Variants in WNT7B observed in about 807,000 individuals in gnomAD.
WNT7B encodes the protein protein Wnt-7b.
WNT7B carries 19 observed loss-of-function variants against 38.2 expected under a neutral mutation model. That is an observed-to-expected ratio of 0.50 (90% CI 0.35 to 0.73). WNT7B has a LOEUF of 0.73. Among genes scored for constraint, WNT7B ranks in the 30% least tolerant of loss-of-function variants. The pLI, the probability that WNT7B is intolerant of heterozygous loss-of-function variation, is 0.01. For missense variants in WNT7B, 423 were observed against 507.9 expected, an observed-to-expected ratio of 0.83 and a Z score of 1.61; for synonymous variants, 243 against 209.3, an observed-to-expected ratio of 1.16 and a Z score of -1.39.
chr22:45,970,489 T>C (rs1375825096), intron 1 of WNT7B, among the ~76,000 whole-genome samples: 3 of 152,002 alleles, frequency 2.0e-5, no homozygotes, highest in Admixed American at 6.5e-5. Flanking sequence ...CCCACCAGGC[T>C]TCTGGGGCCC....
intron 2 of WNT7B, among the ~76,000 whole-genome samples, chr22:45,938,964 G>A (rs1931577469): frequency 6.6e-6 from 1 of 152,182 alleles, no homozygotes; most frequent in Non-Finnish European, 1.5e-5. Context: ...ACAGACATTT[G>A]TCCAAAGAAG....
intron 1 of WNT7B, among the ~76,000 whole-genome samples, chr22:45,964,767 G>A (rs558886394): frequency 1.4e-4 from 21 of 152,232 alleles, no homozygotes; most frequent in East Asian, 1.9e-4. Flanking sequence ...GCTGGGTACC[G>A]ACTGAGTGAG....
intron 1 of WNT7B, chr22:45,972,116 G>GGGGGGC: frequency 1.3e-5 from 7 of 530,700 alleles, no homozygotes; most frequent in African/African-American, 2.1e-5. Flanking sequence ...CCCGGGGGGA[G>GGGGGGC]CCCACCCGCC....
chr22:45,974,588 G>A (rs1461906525), intron 1 of WNT7B, among the ~76,000 whole-genome samples: 1 of 152,170 alleles, frequency 6.6e-6, no homozygotes, highest in Non-Finnish European at 1.5e-5. Context: ...GGAGGTGGGT[G>A]GGGAGTGTGT....
At chr22:45,960,972 G>A (rs1160720291) in intron 1 of WNT7B, among the ~76,000 whole-genome samples, 1 of 152,188 alleles carries the variant, frequency 6.6e-6, no homozygotes, top group Non-Finnish European at 1.5e-5. Flanking sequence ...ATGTGGGCCA[G>A]GTCTGAGGTC....
intron 2 of WNT7B, among the ~76,000 whole-genome samples, chr22:45,937,584 C>T (rs1445836180): frequency 1.4e-5 from 2 of 148,076 alleles, no homozygotes; most frequent in East Asian, 1.9e-4. Context: ...AGCACGTGTC[C>T]CTGGCGTACA....
chr22:45,948,936 C>A (rs1931862814), intron 2 of WNT7B, among the ~76,000 whole-genome samples: 1 of 150,970 alleles, frequency 6.6e-6, no homozygotes. Flanking sequence ...CCTCTCTCCG[C>A]CTCCCGGATT....
In WNT7B at chr22:45,931,100, TC is replaced by T. The variant is rs774432953; in HGVS notation, c.567del (p.Lys190ArgfsTer3). Reference sequence around the variant, plus strand: ...CACCAGCCGCACCCGCACCCTACCTTCCTGCCGGCCTCATTGTTATGCAGGT... The same window carrying T: ...CACCAGCCGCACCCGCACCCTACCTTCTGCCGGCCTCATTGTTATGCAGGT... ...LMNLHNNEAG[R>X]KVLEDRMQLE... On this transcript the variant is annotated frameshift_variant, in exon 3 of 4. Transcript: ENST00000339464. LOFTEE classifies it high-confidence loss of function. 1 of 1,573,576 alleles carries T rather than the reference TC, an allele frequency of 6.4e-7. No individual in the cohort carries two copies. The highest frequency in any genetic ancestry group is 8.6e-7 in the Non-Finnish European group (1 of 1,159,970).
rs62226029 is a variant in WNT7B, at chr22:45,929,362, A to C, written c.570+1736T>G. On this transcript the variant is annotated intron_variant, in intron 3 of 3. Coordinates refer to ENST00000339464, the MANE Select transcript of WNT7B (RefSeq NM_058238.3). Reference sequence around the variant, plus strand: ...GTGTCACTCATTCCTTTATCCATCCATCTATTCACCCATCCACCCACTCAC... The same window carrying C: ...GTGTCACTCATTCCTTTATCCATCCCTCTATTCACCCATCCACCCACTCAC... Among the ~76,000 whole-genome samples the C allele has an allele frequency of 4.5e-3, 683 of 151,948 alleles. 4 individuals carry two copies. The highest frequency in any genetic ancestry group is 6.2e-3 in the Non-Finnish European group (420 of 67,988).
At chr22:45,952,561 C>G (rs1326913603) in intron 1 of WNT7B, among the ~76,000 whole-genome samples, 1 of 152,262 alleles carries the variant, frequency 6.6e-6, no homozygotes, top group Non-Finnish European at 1.5e-5. Context: ...GGAACCCTGC[C>G]GGGCACCCTG....
chr22:45,956,515 C>T (rs1330259558), intron 1 of WNT7B, among the ~76,000 whole-genome samples: 1 of 152,324 alleles, frequency 6.6e-6, no homozygotes, highest in South Asian at 2.1e-4. Context: ...GCCACTGCAC[C>T]CACCACCGAT....
chr22:45,926,209 C>G, intron 3 of WNT7B: 4 of 985,436 alleles, frequency 4.1e-6, no homozygotes, highest in Non-Finnish European at 4.8e-6. Flanking sequence ...CCGTTTCCTT[C>G]TCCAGTGCCC....
At chr22:45,933,566 G>A (rs539298418) in intron 2 of WNT7B, among the ~76,000 whole-genome samples, 1 of 152,238 alleles carries the variant, frequency 6.6e-6, no homozygotes, top group African/African-American at 2.4e-5. Flanking sequence ...CATGGGGGTA[G>A]GGGGAGGGGG....
Position 45,921,045 on chromosome 22 carries a change from T to C in WNT7B, c.*1811A>G, listed in dbSNP as rs1930914467. ...GGGCCAGAGCCCAGGAGGGACCCAC[T>C]TGCCCCAGGCTGAGCCCAGGCCCTT... On this transcript the variant is annotated 3_prime_UTR_variant, in exon 4 of 4. Coordinates refer to ENST00000339464, the MANE Select transcript of WNT7B (RefSeq NM_058238.3). 6.6e-6 allele frequency: 1 copy of C among 152,176 alleles called. No homozygotes were observed. The highest frequency in any genetic ancestry group is 2.4e-5 in the African/African-American group (1 of 41,410). 9.4% of individuals were successfully genotyped at this position (152,176 alleles called of 1,614,324 possible). A position where few individuals can be genotyped will look rare whatever the true frequency, so the allele number is the denominator to read the frequency against.
At chr22:45,927,480 G>A (rs1327871418) in intron 3 of WNT7B, 2 of 1,549,956 alleles carry the variant, frequency 1.3e-6, no homozygotes, top group South Asian at 1.2e-5. Context: ...TCTGCTCAGA[G>A]CCTCGGCAAG....
At chr22:45,936,982 G>A (rs1390662231) in intron 2 of WNT7B, among the ~76,000 whole-genome samples, 1 of 152,200 alleles carries the variant, frequency 6.6e-6, no homozygotes, top group Admixed American at 6.5e-5. Flanking sequence ...AGGGGCCGGT[G>A]CACTTTTGTT....
intron 1 of WNT7B, among the ~76,000 whole-genome samples, chr22:45,974,960 G>A (rs1324984597): frequency 6.6e-6 from 1 of 152,110 alleles, no homozygotes; most frequent in Non-Finnish European, 1.5e-5. Flanking sequence ...CTGTCTATGG[G>A]GGTTCCTAGA....
At chr22:45,939,632 A>AACAAACACACACACAC (rs1931593830) in intron 2 of WNT7B, among the ~76,000 whole-genome samples, 2 of 144,788 alleles carry the variant, frequency 1.4e-5, no homozygotes, top group Admixed American at 1.4e-4. Flanking sequence ...TGTCTCTACA[A>AACAAACACACACACAC]ACACACACAC....
At chr22:45,927,222 C>A (rs1726659226) in intron 3 of WNT7B, 1 of 985,430 alleles carries the variant, frequency 1.0e-6, no homozygotes, top group South Asian at 4.7e-5. Context: ...ACTGGGCACT[C>A]AGGTCTCCAA....
Sources: allele counts gnomAD v4.1 joint callset (sites outside exome capture counted in the v4.1 genomes callset), GRCh38; gene constraint gnomAD v4.1.1; transcripts MANE v1.5; gene names NCBI Gene and HGNC (gene_info 2026-07-23, HGNC 2026-07-21).